Variants in PGAP4 observed in about 807,000 individuals in gnomAD.
The protein encoded by PGAP4 is post-GPI attachment to proteins GalNAc transferase 4, also known as GPI-N-acetylgalactosamine transferase PGAP4.
Under a neutral mutation model 28.2 loss-of-function variants are expected in PGAP4, and 12 were observed. That is an observed-to-expected ratio of 0.42 (90% CI 0.27 to 0.69). The LOEUF (loss-of-function observed/expected upper bound fraction) is 0.69, where lower values mean the gene tolerates loss of function less well. PGAP4 is among the 30% of genes least tolerant of loss of function. PGAP4 has a pLI of 0.22. For synonymous variants in PGAP4, 205 were observed against 211.8 expected (o/e 0.97, Z 0.28); for missense variants, 425 against 513.5 (o/e 0.83, Z 1.67).
intron 2 of PGAP4, among the ~76,000 whole-genome samples, chr9:101,526,975 G>A (rs1305061376): frequency 1.3e-5 from 2 of 152,232 alleles, no homozygotes; most frequent in Non-Finnish European, 2.9e-5. Flanking sequence ...ATTAACTCAT[G>A]TGTCTCCTGT....
intron 2 of PGAP4, among the ~76,000 whole-genome samples, chr9:101,495,499 A>C (rs930283063): frequency 5.8e-5 from 7 of 119,994 alleles, no homozygotes; most frequent in Non-Finnish European, 1.2e-4. Context: ...TCTGTGGCTC[A>C]ACTGGAAAAT....
chr9:101,496,228 G>A (rs1192622355), intron 2 of PGAP4, among the ~76,000 whole-genome samples: 1 of 151,012 alleles, frequency 6.6e-6, no homozygotes, highest in Non-Finnish European at 1.5e-5. Context: ...AGAAAGAAAA[G>A]TTACAGGAGT....
intron 2 of PGAP4, among the ~76,000 whole-genome samples, chr9:101,494,988 C>A (rs753641454): frequency 6.7e-6 from 1 of 148,382 alleles, no homozygotes; most frequent in Non-Finnish European, 1.5e-5. Context: ...TCACTGATAA[C>A]ATTAGATTTT....
At chr9:101,477,257 G>A (rs977187890) in intron 1 of PGAP4, 88 bp from the exon 2 acceptor site, 3 of 1,011,378 alleles carry the variant, frequency 3.0e-6, no homozygotes, top group Non-Finnish European at 2.7e-6. Context: ...CAAGAACTGA[G>A]CTCAGCACAT....
At position 101,478,721 on chromosome 9, in the gene PGAP4, G is replaced by A. The variant is rs115297102; in HGVS notation, c.-77-1552C>T. Reference sequence around the variant, plus strand: ...GGATCTAGAGGAGGTACAGCCACCAGATGGCAGAAGCCTGGGTCCTTGAAT... The same window carrying A: ...GGATCTAGAGGAGGTACAGCCACCAAATGGCAGAAGCCTGGGTCCTTGAAT... On this transcript the variant is annotated intron_variant, in intron 1 of 1. Coordinates refer to ENST00000374848, the MANE Select transcript of PGAP4 (RefSeq NM_032342.3). Among the ~76,000 whole-genome samples the A allele has an allele frequency of 6.6e-3, 998 of 152,336 alleles. 9 individuals are homozygous for A. The highest frequency in any genetic ancestry group is 0.023 in the African/African-American group (941 of 41,570).
At chr9:101,503,159 T>C (rs556565453) in intron 2 of PGAP4, among the ~76,000 whole-genome samples, 12 of 152,182 alleles carry the variant, frequency 7.9e-5, no homozygotes, top group Non-Finnish European at 1.3e-4. Context: ...AAGCTTCTCC[T>C]GCTGTCTGGA....
In PGAP4 at chr9:101,476,641, C is replaced by T. The variant is rs921273829; in HGVS notation, c.452G>A (p.Ser151Asn). The T allele has an allele frequency of 6.8e-6, 11 of 1,614,094 alleles. No homozygotes were observed. Among genetic ancestry groups the T allele is most frequent in the African/African-American group, 1.3e-5 (1 of 74,934 alleles). ...GGAGAGCAACTTGGCATCAAAATGG[C>T]TCACACTACGCTCCACGTTGCACAG... ...LFLCNVERSV[S>N]HFDAKLLSKY... The change falls in exon 2 of 2, where the codon AGC becomes AAC. Residue 151 changes from serine to asparagine, a missense_variant. Coordinates refer to ENST00000374848, the MANE Select transcript of PGAP4 (RefSeq NM_032342.3). The surrounding 1 kb of genome is among the most constrained non-coding windows in gnomAD (Gnocchi z 7.0).
intron 2 of PGAP4, among the ~76,000 whole-genome samples, chr9:101,523,900 G>A (rs1253915899): frequency 6.6e-6 from 1 of 151,806 alleles, no homozygotes; most frequent in Non-Finnish European, 1.5e-5. Flanking sequence ...GAAGGCTATT[G>A]TTCAGATTCT....
intron 1 of PGAP4, among the ~76,000 whole-genome samples, chr9:101,482,172 G>A (rs1433102749): frequency 6.6e-6 from 1 of 152,190 alleles, no homozygotes; most frequent in African/African-American, 2.4e-5. Flanking sequence ...CTTCAACCAG[G>A]CGCGGTGGCT....
chr9:101,490,138 C>T (rs1826673144), upstream of PGAP4, among the ~76,000 whole-genome samples: 1 of 152,036 alleles, frequency 6.6e-6, no homozygotes, highest in Non-Finnish European at 1.5e-5. Context: ...ACAGAGGCCT[C>T]CTACAAGGCT....
chr9:101,532,471 G>A (rs1255813975), intron 1 of PGAP4, among the ~76,000 whole-genome samples: 2 of 152,104 alleles, frequency 1.3e-5, no homozygotes, highest in African/African-American at 4.8e-5. Context: ...ACGCAGGACA[G>A]CCAATACTGT....
At chr9:101,524,329 TC>T (rs993906997) in intron 2 of PGAP4, among the ~76,000 whole-genome samples, 1 of 152,008 alleles carries the variant, frequency 6.6e-6, no homozygotes, top group Admixed American at 6.6e-5. Context: ...TCCCACTGTG[TC>T]CTCTGCCAAC....
chr9:101,498,034 C>T (rs1268943036), intron 2 of PGAP4, among the ~76,000 whole-genome samples: 2 of 151,742 alleles, frequency 1.3e-5, no homozygotes, highest in African/African-American at 2.4e-5. Flanking sequence ...TATGGCTAAA[C>T]CTTATTTGCC....
chr9:101,491,168 C>A (rs1055997997), upstream of PGAP4, among the ~76,000 whole-genome samples: 5 of 152,082 alleles, frequency 3.3e-5, no homozygotes, highest in Admixed American at 6.5e-5. Flanking sequence ...TGTGGTAGAG[C>A]AAGGCAATGG....
intron 2 of PGAP4, among the ~76,000 whole-genome samples, chr9:101,510,003 C>T (rs1826881606): frequency 6.6e-6 from 1 of 152,182 alleles, no homozygotes; most frequent in Admixed American, 6.5e-5. Flanking sequence ...CATCCTCATG[C>T]ACATCCTCCT....
At chr9:101,488,870 T>A (rs1826658506), upstream of PGAP4, among the ~76,000 whole-genome samples, 1 of 152,192 alleles carries the variant, frequency 6.6e-6, no homozygotes, top group Admixed American at 6.5e-5. Flanking sequence ...AGATAGTGCT[T>A]TTCTAGAGAG....
chr9:101,519,357 C>T (rs542242864), intron 2 of PGAP4, among the ~76,000 whole-genome samples: 1 of 152,240 alleles, frequency 6.6e-6, no homozygotes, highest in South Asian at 2.1e-4. Context: ...CGGGGTTTCA[C>T]TGTGTTGCCC....
chr9:101,492,075 G>A (rs895197695), upstream of PGAP4, among the ~76,000 whole-genome samples: 12 of 151,638 alleles, frequency 7.9e-5, no homozygotes, highest in African/African-American at 2.9e-4. Flanking sequence ...ACACATAATT[G>A]TGAATTTGTC....
intron 2 of PGAP4, among the ~76,000 whole-genome samples, chr9:101,504,318 T>C (rs931145690): frequency 1.3e-5 from 2 of 151,040 alleles, no homozygotes; most frequent in African/African-American, 4.9e-5. Flanking sequence ...TGTTCTGTTA[T>C]GTTCAGTGGA....
Sources: allele counts gnomAD v4.1 joint callset (sites outside exome capture counted in the v4.1 genomes callset), GRCh38; gene constraint gnomAD v4.1.1; non-coding constraint Gnocchi (gnomAD v3.1); transcripts MANE v1.5; gene names NCBI Gene and HGNC (gene_info 2026-07-23, HGNC 2026-07-21).